The following TC2N variants were observed in gnomAD, a reference collection of about 807,000 sequenced individuals.
TC2N encodes the protein tandem C2 domains nuclear protein.
A neutral mutation model predicts 61.9 loss-of-function variants in TC2N; 51 were observed. That is an observed-to-expected ratio of 0.82 (90% CI 0.66 to 1.04). The LOEUF is 1.04. TC2N is among the 50% of genes least tolerant of loss of function. The pLI, the probability that TC2N is intolerant of heterozygous loss-of-function variation, is 0.00. For synonymous variants in TC2N, 204 were observed against 192.6 expected (o/e 1.06, Z -0.49); for missense variants, 556 against 566.7 (o/e 0.98, Z 0.19).
intron 1 of TC2N, among the ~76,000 whole-genome samples, chr14:91,849,035 C>T (rs1413030265): frequency 6.6e-6 from 1 of 152,146 alleles, no homozygotes; most frequent in Non-Finnish European, 1.5e-5. Context: ...TTAAACACAG[C>T]ACAACAGTGT....
intron 8 of TC2N, 50 bp downstream of exon 8, chr14:91,797,735 A>AC (rs772840136): frequency 1.4e-4 from 159 of 1,113,140 alleles, no homozygotes; most frequent in South Asian, 2.8e-4. Flanking sequence ...AGTGACAAAT[A>AC]TAAAAAAAAA....
At chr14:91,821,014 T>C (rs1208604597) in intron 1 of TC2N, among the ~76,000 whole-genome samples, 1 of 152,014 alleles carries the variant, frequency 6.6e-6, no homozygotes, top group Non-Finnish European at 1.5e-5. Flanking sequence ...ATCATTAAAA[T>C]GGTAATATTA....
chr14:91,781,765 G>C lies in TC2N; in HGVS notation c.*1335C>G, dbSNP rs1303630132. 2.0e-5 allele frequency: 3 copies of C among 152,088 alleles called. No homozygotes were observed. Among genetic ancestry groups the C allele is most frequent in the Non-Finnish European group, 4.4e-5 (3 of 67,970 alleles). 9.4% of individuals were successfully genotyped at this position (152,088 alleles called of 1,614,324 possible). A position where few individuals can be genotyped will look rare whatever the true frequency, so the allele number is the denominator to read the frequency against. ...AGCAGTAGAAGCAAAGGGGATATAA[G>C]ATGTGGACATTTTGTAGCTTGAGGA... is the stretch of plus-strand genomic sequence containing the variant. On this transcript the variant is annotated 3_prime_UTR_variant, in exon 12 of 12. Transcript: ENST00000435962.
At chr14:91,817,609 T>C (rs1453409777) in intron 1 of TC2N, among the ~76,000 whole-genome samples, 1 of 152,070 alleles carries the variant, frequency 6.6e-6, no homozygotes, top group Non-Finnish European at 1.5e-5. Flanking sequence ...GGAAACAAAG[T>C]ACAACTATCT....
At chr14:91,850,547 T>A (rs1250941442) in intron 1 of TC2N, among the ~76,000 whole-genome samples, 1 of 152,214 alleles carries the variant, frequency 6.6e-6, no homozygotes, top group Non-Finnish European at 1.5e-5. Context: ...CTGCCTCCTG[T>A]GAGATCAGTG....
At chr14:91,835,742 T>C (rs1435712069) in intron 1 of TC2N, among the ~76,000 whole-genome samples, 1 of 152,260 alleles carries the variant, frequency 6.6e-6, no homozygotes, top group African/African-American at 2.4e-5. Context: ...CTTTCGCCAC[T>C]TCACAAAGTT....
chr14:91,863,325 G>A (rs546596451), intron 1 of TC2N, among the ~76,000 whole-genome samples: 4 of 152,306 alleles, frequency 2.6e-5, no homozygotes, highest in African/African-American at 9.6e-5. Context: ...GTTTTATAGT[G>A]GGAGAAGGAA....
chr14:91,798,541 A>C, intron 6 of TC2N, 142 bp from the exon 7 acceptor site: 2 of 596,132 alleles, frequency 3.4e-6, no homozygotes, highest in Non-Finnish European at 5.9e-6. Flanking sequence ...GAAGACAAAA[A>C]TCACACTTTA....
chr14:91,793,546 G>A (rs1410721705), intron 8 of TC2N, among the ~76,000 whole-genome samples: 1 of 152,066 alleles, frequency 6.6e-6, no homozygotes, highest in East Asian at 1.9e-4. Flanking sequence ...GTCACATTTT[G>A]GTAATTCTCA....
chr14:91,829,568 C>T (rs1887655815), intron 1 of TC2N, among the ~76,000 whole-genome samples: 1 of 152,050 alleles, frequency 6.6e-6, no homozygotes. Flanking sequence ...ACTTTTTAGA[C>T]TCCTGATCTC....
At chr14:91,850,043 C>A (rs1269829824) in intron 1 of TC2N, among the ~76,000 whole-genome samples, 1 of 95,356 alleles carries the variant, frequency 1.0e-5, no homozygotes. Context: ...GAGTGAAACT[C>A]CATCTCAAAA....
At chr14:91,817,431 A>G (rs1488467161) in intron 1 of TC2N, among the ~76,000 whole-genome samples, 2 of 152,040 alleles carry the variant, frequency 1.3e-5, no homozygotes, top group Non-Finnish European at 2.9e-5. Flanking sequence ...TTTAAAAAAA[A>G]AAAGTTTAAC....
chr14:91,864,878 T>A (rs961402069), intron 1 of TC2N, among the ~76,000 whole-genome samples: 2 of 149,918 alleles, frequency 1.3e-5, no homozygotes, highest in African/African-American at 4.9e-5. Context: ...GCCTCCTGGG[T>A]TCAAGCAATT....
rs1339207305 is a variant in TC2N at position 91,837,051 on chromosome 14, A to G, written c.-56-23226T>C. Among the ~76,000 whole-genome samples the G allele has an allele frequency of 6.6e-6, 1 of 152,228 alleles. No homozygotes were observed. The highest frequency in any genetic ancestry group is 2.4e-5 in the African/African-American group (1 of 41,462). On this transcript the variant is annotated intron_variant, in intron 1 of 11. Transcript: ENST00000435962. This position sits in a 1 kb window ranked among gnomAD's most constrained non-coding sequence, Gnocchi z 4.2. ...GCCATCAATGGGTGTCTTGGAAAGA[A>G]TATTAAATGTATCCACCACAGCACC...
At chr14:91,785,812 C>T (rs1211436715) in intron 10 of TC2N, among the ~76,000 whole-genome samples, 2 of 151,866 alleles carry the variant, frequency 1.3e-5, no homozygotes, top group African/African-American at 4.8e-5. Flanking sequence ...TATAGAGCTT[C>T]CAGTAATGGC....
In TC2N at chr14:91,787,636, C is replaced by G; in HGVS notation, c.1048-9G>C. On this transcript the variant is annotated splice_polypyrimidine_tract_variant and intron_variant, in intron 9 of 11. Coordinates refer to ENST00000435962, the MANE Select transcript of TC2N (RefSeq NM_001128596.3). ...AGTTCTGCATGGCAAACCTGCATAT[C>G]AAAAAAGTGTCATTTGGTAGTTAAG... The G allele has an allele frequency of 1.3e-6, 2 of 1,504,760 alleles. No homozygotes were observed. The highest frequency in any genetic ancestry group is 1.8e-6 in the Non-Finnish European group (2 of 1,094,650). The allele number at this position is 1,504,760 out of a possible 1,614,324, so 93.2% of individuals were successfully genotyped here.
At chr14:91,841,683 C>G (rs1888166247) in intron 1 of TC2N, among the ~76,000 whole-genome samples, 2 of 152,218 alleles carry the variant, frequency 1.3e-5, no homozygotes, top group South Asian at 2.1e-4. Flanking sequence ...GGGTACCACT[C>G]CAGCAGTTAG....
In TC2N at chr14:91,781,741, G is replaced by C. The variant is rs1014254549; in HGVS notation, c.*1359C>G. ...AGAGTACTGGTACCACAAAATCAGA[G>C]CAGTAGAAGCAAAGGGGATATAAGA... On this transcript the variant is annotated 3_prime_UTR_variant, in exon 12 of 12. Transcript: ENST00000435962. 5 of 152,072 alleles carry C rather than the reference G, an allele frequency of 3.3e-5. No homozygotes were observed. The highest frequency in any genetic ancestry group is 9.7e-5 in the African/African-American group (4 of 41,446). The allele number at this position is 152,072 out of a possible 1,614,324, so 9.4% of individuals were successfully genotyped here.
rs1283220494 is a variant in TC2N at position 91,837,466 on chromosome 14, C to A, written c.-56-23641G>T. 1.3e-5 allele frequency among the ~76,000 whole-genome samples: 2 copies of A among 152,202 alleles called. No individual in the cohort carries two copies. Among genetic ancestry groups the A allele is most frequent in the African/African-American group, 4.8e-5 (2 of 41,454 alleles). On this transcript the variant is annotated intron_variant, in intron 1 of 11. Coordinates refer to ENST00000435962, the MANE Select transcript of TC2N (RefSeq NM_001128596.3). The surrounding 1 kb of genome is among the most constrained non-coding windows in gnomAD (Gnocchi z 4.2). ...AACTCCTGGACTCACGTGATCCTCCCACCTCTGCCTCCCAAAGTGCTCCAC... is the reference window on the plus strand; with the variant it reads ...AACTCCTGGACTCACGTGATCCTCCAACCTCTGCCTCCCAAAGTGCTCCAC...
Sources: allele counts gnomAD v4.1 joint callset (sites outside exome capture counted in the v4.1 genomes callset), GRCh38; gene constraint gnomAD v4.1.1; non-coding constraint Gnocchi (gnomAD v3.1); transcripts MANE v1.5; gene names NCBI Gene and HGNC (gene_info 2026-07-23, HGNC 2026-07-21).